Variants in TLL1 observed in about 807,000 individuals in gnomAD.
The protein encoded by TLL1 is tolloid-like protein 1.
TLL1 carries 49 observed loss-of-function variants against 128.2 expected under a neutral mutation model. The observed-to-expected ratio is 0.38, with a 90% CI of 0.30 to 0.48. TLL1 has a LOEUF of 0.48. Ranked by LOEUF, TLL1 falls within the 20% of genes least tolerant of loss-of-function variation. The pLI is 0.96. For synonymous variants in TLL1, 454 were observed against 418.8 expected (o/e 1.08, Z -1.03); for missense variants, 1,123 against 1,242.0 (o/e 0.90, Z 1.44).
intron 1 of TLL1, among the ~76,000 whole-genome samples, chr4:165,981,294 A>G (rs1295245884): frequency 2.6e-5 from 4 of 152,122 alleles, no homozygotes; most frequent in African/African-American, 9.7e-5. Flanking sequence ...TACAAGCAAA[A>G]TAAAATGCAC....
In TLL1 at chr4:166,039,413, C is replaced by T. The variant is rs764830976; in HGVS notation, c.1233C>T (p.Asp411=). 40 of 1,612,672 alleles carry T rather than the reference C, an allele frequency of 2.5e-5. No individual in the cohort carries two copies. Among genetic ancestry groups the T allele is most frequent in the Middle Eastern group, 1.6e-4 (1 of 6,076 alleles). ...LCWYDYIEVR[D]GYWRKSPLLG... ...GGTATGACTATATTGAAGTAAGAGACGGGTACTGGAGAAAATCACCTCTCC... is the reference window on the plus strand; with the variant it reads ...GGTATGACTATATTGAAGTAAGAGATGGGTACTGGAGAAAATCACCTCTCC... The change falls in exon 10 of 21, where the codon GAC becomes GAT. Residue 411 remains aspartate, a synonymous_variant. Coordinates refer to ENST00000061240, the MANE Select transcript of TLL1 (RefSeq NM_012464.5).
chr4:165,873,841 C>T lies in TLL1; in HGVS notation c.-64C>T. The T allele has an allele frequency of 6.3e-7, 1 of 1,595,764 alleles. No homozygotes were observed. The highest frequency in any genetic ancestry group is 8.6e-7 in the Non-Finnish European group (1 of 1,166,048). ...CACCGGTGCCCCTAGCCCCGCACAT[C>T]AGCGCGGACCGCGGCTGCCTAACCT... On this transcript the variant is annotated 5_prime_UTR_variant, in exon 1 of 21. Transcript: ENST00000061240.
In TLL1 at chr4:166,041,403, C is replaced by G. The variant is rs188160796; in HGVS notation, c.1262-624C>G. The stretch of plus-strand genomic sequence containing the variant: ...GCAACCTCTGCCTCTCGGACTCAAG[C>G]GATTCTCCTGCCTCAGCCTTCCGAG... On this transcript the variant is annotated intron_variant, in intron 10 of 20. Transcript: ENST00000061240. Among the ~76,000 whole-genome samples the G allele has an allele frequency of 5.8e-3, 883 of 151,282 alleles. 8 individuals are homozygous for G. Among genetic ancestry groups the G allele is most frequent in the African/African-American group, 0.019 (792 of 41,146 alleles).
chr4:165,986,156 G>C (rs118113163), intron 1 of TLL1, among the ~76,000 whole-genome samples: 2,322 of 151,808 alleles, frequency 0.015, 77 homozygotes, highest in East Asian at 0.14. Context: ...ACATAAAAAC[G>C]AAAACAAAAT....
At chr4:165,922,830 A>G (rs1733093564) in intron 1 of TLL1, among the ~76,000 whole-genome samples, 1 of 152,198 alleles carries the variant, frequency 6.6e-6, no homozygotes, top group Admixed American at 6.5e-5. Flanking sequence ...TATGATATTT[A>G]GATAGAGCCT....
rs1739427968 is a variant in TLL1 at position 166,045,610 on chromosome 4, AT to A, written c.1524+2192del. On this transcript the variant is annotated intron_variant, in intron 12 of 20. Coordinates refer to ENST00000061240, the MANE Select transcript of TLL1 (RefSeq NM_012464.5). ...ATGCTTTTACAATGTACGTTAGATT[AT>A]GACACTGCGCTACTGACAGGGGATT... Among the ~76,000 whole-genome samples the A allele has an allele frequency of 3.9e-5, 6 of 152,254 alleles. No homozygotes were observed. The South Asian group carries it at 1.2e-3, about 32-fold the overall frequency.
intron 8 of TLL1, among the ~76,000 whole-genome samples, chr4:166,023,726 T>C (rs987215155): frequency 2.6e-5 from 4 of 152,166 alleles, no homozygotes; most frequent in African/African-American, 9.7e-5. Context: ...TTTTAGTGTA[T>C]GTTGTATTTT....
chr4:166,043,651 T>A (rs1739334506), intron 12 of TLL1, among the ~76,000 whole-genome samples: 1 of 152,200 alleles, frequency 6.6e-6, no homozygotes, highest in African/African-American at 2.4e-5. Context: ...TCTGTGCTAT[T>A]TGAATTAGAA....
Position 165,873,884 on chromosome 4 carries a change from C to G in TLL1, c.-21C>G, listed in dbSNP as rs766555728. Reference sequence around the variant, plus strand: ...CCTAACCTCTGGGTCCCGTCCCCTCCTTTTCCTCCGGGGGAGGAGGATGGG... The same window carrying G: ...CCTAACCTCTGGGTCCCGTCCCCTCGTTTTCCTCCGGGGGAGGAGGATGGG... On this transcript the variant is annotated 5_prime_UTR_variant, in exon 1 of 21. Coordinates refer to ENST00000061240, the MANE Select transcript of TLL1 (RefSeq NM_012464.5). The G allele has an allele frequency of 6.2e-7, 1 of 1,613,286 alleles. No homozygotes were observed.
rs960585766 is a variant in TLL1, at chr4:166,100,620, A to G, written c.2908-122A>G. 15 of 1,326,680 alleles carry G rather than the reference A, an allele frequency of 1.1e-5. No homozygotes were observed. In the African/African-American group the frequency reaches 2.2e-4, roughly 19 times the overall value. 82.2% of individuals were successfully genotyped at this position (1,326,680 alleles called of 1,614,324 possible). ...AGAAGTTGATTACACCTACTCTCCA[A>G]GGTTGTTGGGAGGATTAAATTATAT... is the stretch of plus-strand genomic sequence containing the variant. On this transcript the variant is annotated intron_variant, in intron 20 of 20. Transcript: ENST00000061240.
At chr4:165,938,246 C>T (rs1733853022) in intron 1 of TLL1, among the ~76,000 whole-genome samples, 2 of 152,062 alleles carry the variant, frequency 1.3e-5, no homozygotes, top group East Asian at 3.9e-4. Context: ...TTATGTAAAA[C>T]TTCAGAAGCC....
At chr4:165,962,493 A>G (rs1735156212) in intron 1 of TLL1, among the ~76,000 whole-genome samples, 1 of 152,174 alleles carries the variant, frequency 6.6e-6, no homozygotes, top group Non-Finnish European at 1.5e-5. Context: ...TAGTTCAGCC[A>G]CTGTGGAGAG....
chr4:165,976,899 T>C (rs1735908709), intron 1 of TLL1, among the ~76,000 whole-genome samples: 1 of 152,120 alleles, frequency 6.6e-6, no homozygotes, highest in East Asian at 1.9e-4. Flanking sequence ...TTAAAAACAT[T>C]ATGCGGTTTT....
intron 12 of TLL1, among the ~76,000 whole-genome samples, chr4:166,052,965 G>GTATATATATATATA (rs61229255): frequency 3.0e-5 from 3 of 99,646 alleles, no homozygotes; most frequent in Admixed American, 9.6e-5. Context: ...GAGGTTATGT[G>GTATATATATATATA]TATATATATA....
intron 7 of TLL1, among the ~76,000 whole-genome samples, chr4:166,012,325 C>G (rs941993460): frequency 6.6e-6 from 1 of 151,058 alleles, no homozygotes; most frequent in Non-Finnish European, 1.5e-5. Context: ...ACTTCCTGAC[C>G]ACAAAAAAGA....
At chr4:165,994,555 T>A (rs1476739769) in intron 4 of TLL1, 22 bp downstream of exon 4, 1 of 1,613,230 alleles carries the variant, frequency 6.2e-7, no homozygotes, top group Admixed American at 1.7e-5. Context: ...CCAGCATGTC[T>A]GTTTTCATAA....
chr4:166,099,692 C>G (rs1223361295), intron 20 of TLL1, among the ~76,000 whole-genome samples, 165 bp downstream of exon 20: 1 of 151,488 alleles, frequency 6.6e-6, no homozygotes, highest in African/African-American at 2.4e-5. Context: ...CGTCTCTACC[C>G]TTATCACTTC....
At chr4:165,902,920 C>T (rs1397124742) in intron 1 of TLL1, among the ~76,000 whole-genome samples, 2 of 152,174 alleles carry the variant, frequency 1.3e-5, no homozygotes, top group African/African-American at 2.4e-5. Flanking sequence ...ATGTTTGTGA[C>T]TTTCAGTTGG....
At chr4:166,039,925 C>G (rs1355944774) in intron 10 of TLL1, among the ~76,000 whole-genome samples, 1 of 152,110 alleles carries the variant, frequency 6.6e-6, no homozygotes, top group Admixed American at 6.6e-5. Context: ...TTATAGATGT[C>G]ACAATTTTGC....
Sources: gnomAD v4.1 joint callset for allele counts (sites outside exome capture counted in the v4.1 genomes callset) on GRCh38, gnomAD v4.1.1 for gene constraint, MANE v1.5 for transcripts, NCBI Gene and HGNC (gene_info 2026-07-23, HGNC 2026-07-21) for gene names.